The following SPPL3 variants were observed in gnomAD, a reference collection of about 807,000 sequenced individuals.
SPPL3 encodes signal peptide peptidase-like 3.
Under a neutral mutation model 42.4 loss-of-function variants are expected in SPPL3, and 5 were observed. That is an observed-to-expected ratio of 0.12 (90% CI 0.06 to 0.25). The LOEUF (loss-of-function observed/expected upper bound fraction) is 0.25. SPPL3 is among the 10% of genes least tolerant of loss of function. The pLI is 1.00. For synonymous variants in SPPL3, 195 were observed against 181.8 expected (o/e 1.07, Z -0.58); for missense variants, 235 against 489.0 (o/e 0.48, Z 4.90).
chr12:120,903,791 G>A (rs1277116425), intron 1 of SPPL3, 54 bp downstream of exon 1: 19 of 1,362,084 alleles, frequency 1.4e-5, no homozygotes, highest in Non-Finnish European at 1.8e-5. Flanking sequence ...GGCCGCGCCG[G>A]CGCCCCGACC....
At position 120,817,495 on chromosome 12, in the gene SPPL3, C is replaced by T. The variant is rs180810514; in HGVS notation, c.24-6609G>A. 1.2e-4 allele frequency among the ~76,000 whole-genome samples: 18 copies of T among 152,238 alleles called. No homozygotes were observed. In the East Asian group the frequency reaches 2.3e-3, roughly 20 times the overall value. ...CCAATATTTACAGATTTAAAAATGG[C>T]TTAATATAAAATCTTACATTATACC... is the stretch of plus-strand genomic sequence containing the variant. On this transcript the variant is annotated intron_variant, in intron 1 of 10. Transcript: ENST00000353487.
chr12:120,891,657 T>C (rs1390921857), intron 1 of SPPL3, among the ~76,000 whole-genome samples: 1 of 151,328 alleles, frequency 6.6e-6, no homozygotes, highest in African/African-American at 2.4e-5. Context: ...TATACTCATA[T>C]CTCGAGATGT....
Position 120,898,314 on chromosome 12 carries a change from T to TAA in SPPL3, c.23+5529_23+5530dup, listed in dbSNP as rs869283065. ...AGACTCTGTTTTTTTTTTTTTTTTT[T>TAA]AAAAAAAAAAAAAAAAAAAAAGATG... On this transcript the variant is annotated intron_variant, in intron 1 of 10. Transcript: ENST00000353487. Among the ~76,000 whole-genome samples the TAA allele has an allele frequency of 4.6e-3, 297 of 64,192 alleles. 1 individual carries two copies. The highest frequency in any genetic ancestry group is 0.015 in the African/African-American group (268 of 17,542). 42.1% of individuals were successfully genotyped at this position (64,192 alleles called of 152,430 possible).
Position 120,875,607 on chromosome 12 carries a change from C to T in SPPL3, c.23+28238G>A, listed in dbSNP as rs374554694. On this transcript the variant is annotated intron_variant, in intron 1 of 10. Transcript: ENST00000353487. ...CTGTGCCACTGCCCTCTAGCCTGGG[C>T]GACAGAGACTCCATTTCAAAAAAAA... 1.1e-3 allele frequency among the ~76,000 whole-genome samples: 162 copies of T among 142,496 alleles called. 1 individual carries two copies. Among genetic ancestry groups the T allele is most frequent in the South Asian group, 2.2e-3 (10 of 4,568 alleles). 93.5% of individuals were successfully genotyped at this position (142,496 alleles called of 152,430 possible).
chr12:120,832,663 T>C (rs1018047686), intron 1 of SPPL3, among the ~76,000 whole-genome samples: 4 of 150,726 alleles, frequency 2.7e-5, no homozygotes, highest in Non-Finnish European at 5.9e-5. Context: ...CGAAACTCCG[T>C]CTCAAAAAAA....
chr12:120,766,138 ACACAGT>A (rs1868893700), intron 10 of SPPL3, 119 bp downstream of exon 10: 1 of 659,798 alleles, frequency 1.5e-6, no homozygotes, highest in African/African-American at 1.9e-5. Flanking sequence ...ACACACACAC[ACACAGT>A]CGAGATCACA....
intron 1 of SPPL3, among the ~76,000 whole-genome samples, chr12:120,820,943 T>A (rs995558165): frequency 2.6e-5 from 4 of 152,060 alleles, no homozygotes; most frequent in Non-Finnish European, 1.5e-5. Flanking sequence ...AATATCAAAA[T>A]ATTATCCCTG....
At chr12:120,797,450 T>C (rs1441589500) in intron 2 of SPPL3, among the ~76,000 whole-genome samples, 2 of 152,148 alleles carry the variant, frequency 1.3e-5, no homozygotes, top group Non-Finnish European at 2.9e-5. Context: ...CTGTCCTTTG[T>C]TGTCTGATGA....
intron 1 of SPPL3, among the ~76,000 whole-genome samples, chr12:120,840,268 ACT>A (rs1345758537): frequency 9.1e-6 from 1 of 109,892 alleles, no homozygotes; most frequent in African/African-American, 3.4e-5. Context: ...ACAGAGTGAG[ACT>A]CTGTCTCAAA....
At chr12:120,813,224 T>C (rs1592975381) in intron 1 of SPPL3, among the ~76,000 whole-genome samples, 1 of 150,244 alleles carries the variant, frequency 6.7e-6, no homozygotes. Context: ...AGGAGGACAT[T>C]ACATTTCCTT....
At chr12:120,809,083 C>T (rs982173807) in intron 2 of SPPL3, among the ~76,000 whole-genome samples, 27 of 152,320 alleles carry the variant, frequency 1.8e-4, no homozygotes, top group African/African-American at 6.3e-4. Context: ...CAGTGGCTCA[C>T]GCCTGTAATC....
intron 2 of SPPL3, among the ~76,000 whole-genome samples, chr12:120,802,171 GGAA>G (rs1870318111): frequency 6.6e-6 from 1 of 151,808 alleles, no homozygotes; most frequent in African/African-American, 2.4e-5. Flanking sequence ...CCTGCCTTTA[GGAA>G]CTTCCACTGC....
At chr12:120,892,270 G>C (rs780412929) in intron 1 of SPPL3, among the ~76,000 whole-genome samples, 9 of 152,114 alleles carry the variant, frequency 5.9e-5, no homozygotes, top group Non-Finnish European at 1.0e-4. Context: ...CTTACAAAGT[G>C]CATTGTCAAA....
rs907589058 is a variant in SPPL3, at chr12:120,764,004, C to A, written c.*995G>T. ...GGCTCGAGAAGAAACTACGGAACACCCTGCGAGGGAGAAGCCTAGAAAAGA... is the reference window on the plus strand; with the variant it reads ...GGCTCGAGAAGAAACTACGGAACACACTGCGAGGGAGAAGCCTAGAAAAGA... On this transcript the variant is annotated 3_prime_UTR_variant, in exon 11 of 11. Transcript: ENST00000353487. 1 of 152,424 alleles carries A rather than the reference C, an allele frequency of 6.6e-6. No individual in the cohort carries two copies. The highest frequency in any genetic ancestry group is 2.4e-5 in the African/African-American group (1 of 41,362). 9.4% of individuals were successfully genotyped at this position (152,424 alleles called of 1,614,324 possible). A position where few individuals can be genotyped will look rare whatever the true frequency, so the allele number is the denominator to read the frequency against.
intron 1 of SPPL3, among the ~76,000 whole-genome samples, chr12:120,827,328 C>CAATAAT (rs71076662): frequency 2.7e-4 from 40 of 145,642 alleles, no homozygotes; most frequent in African/African-American, 9.0e-4. Flanking sequence ...ATAACAGGAA[C>CAATAAT]AATAATAATA....
At position 120,764,960 on chromosome 12, in the gene SPPL3, G is replaced by T. The variant is rs765392551; in HGVS notation, c.*39C>A. On this transcript the variant is annotated 3_prime_UTR_variant, in exon 11 of 11. Transcript: ENST00000353487. ...AAACAAACCATGAGTTGAGAGAAAAGGACTATGACGGCCATCTGGTCACTT... is the reference window on the plus strand; with the variant it reads ...AAACAAACCATGAGTTGAGAGAAAATGACTATGACGGCCATCTGGTCACTT... 6.2e-7 allele frequency: 1 copy of T among 1,604,740 alleles called. No homozygotes were observed. The highest frequency in any genetic ancestry group is 1.7e-5 in the Admixed American group (1 of 59,342).
chr12:120,808,086 CTTTTTT>C (rs63135760), intron 2 of SPPL3, among the ~76,000 whole-genome samples: 1 of 132,808 alleles, frequency 7.5e-6, no homozygotes, highest in Non-Finnish European at 1.6e-5. Context: ...AGTTTCTTTT[CTTTTTT>C]TTTTTTTTTT....
chr12:120,898,110 G>A (rs1338234519), intron 1 of SPPL3, among the ~76,000 whole-genome samples: 4 of 151,738 alleles, frequency 2.6e-5, no homozygotes, highest in African/African-American at 7.3e-5. Flanking sequence ...TCAGGAGTTC[G>A]AGACCAACCT....
At chr12:120,834,683 T>A (rs989160736) in intron 1 of SPPL3, among the ~76,000 whole-genome samples, 7 of 151,560 alleles carry the variant, frequency 4.6e-5, no homozygotes, top group Non-Finnish European at 8.8e-5. Context: ...ACCATTAGTA[T>A]GAAAACCAGT....
Sources: gnomAD v4.1 joint callset for allele counts (sites outside exome capture counted in the v4.1 genomes callset) on GRCh38, gnomAD v4.1.1 for gene constraint, MANE v1.5 for transcripts, NCBI Gene and HGNC (gene_info 2026-07-23, HGNC 2026-07-21) for gene names.